DNAI7: variants seen among roughly 807,000 people sequenced by gnomAD.
DNAI7 encodes dynein axonemal intermediate chain 7.
DNAI7 carries 78 observed loss-of-function variants against 86.6 expected under a neutral mutation model. That is an observed-to-expected ratio of 0.90 (90% CI 0.75 to 1.09). The LOEUF (loss-of-function observed/expected upper bound fraction) is 1.09. Ranked by LOEUF, DNAI7 falls within the 50% of genes least tolerant of loss-of-function variation. The pLI, the probability that DNAI7 is intolerant of heterozygous loss-of-function variation, is 0.00. For synonymous variants in DNAI7, 274 were observed against 273.0 expected (o/e 1.00, Z -0.04); for missense variants, 753 against 810.2 (o/e 0.93, Z 0.86).
rs1205562198 is a variant in DNAI7 at position 25,147,206 on chromosome 12, A to G, written c.586-102T>C. 6.1e-6 allele frequency: 4 copies of G among 655,992 alleles called. No homozygotes were observed. In the Middle Eastern group the frequency reaches 7.6e-4, roughly 125 times the overall value. 40.6% of individuals were successfully genotyped at this position (655,992 alleles called of 1,614,324 possible). A position where few individuals can be genotyped will look rare whatever the true frequency, so the allele number is the denominator to read the frequency against. On this transcript the variant is annotated intron_variant, in intron 7 of 15. Coordinates refer to ENST00000395987, the MANE Select transcript of DNAI7 (RefSeq NM_018272.5). ...CTTATGTGTTGGATTCCCTTTATTA[A>G]TCACCTAAGAGAGTAACTTGGGTAA...
At chr12:25,158,207 C>T (rs1946424391) in intron 4 of DNAI7, among the ~76,000 whole-genome samples, 1 of 151,400 alleles carries the variant, frequency 6.6e-6, no homozygotes, top group South Asian at 2.1e-4. Context: ...CCAGCCTGGG[C>T]AACAGAGCGA....
intron 2 of DNAI7, among the ~76,000 whole-genome samples, chr12:25,179,335 C>T (rs997147971): frequency 6.6e-6 from 1 of 152,116 alleles, no homozygotes; most frequent in African/African-American, 2.4e-5. Flanking sequence ...GAATCCTCTA[C>T]TTGTTTGGTG....
At chr12:25,145,952 G>A (rs1488847193) in intron 8 of DNAI7, among the ~76,000 whole-genome samples, 2 of 152,244 alleles carry the variant, frequency 1.3e-5, no homozygotes, top group Non-Finnish European at 2.9e-5. Flanking sequence ...GCCGGGCGCA[G>A]TGGCTCACGC....
intron 6 of DNAI7, among the ~76,000 whole-genome samples, chr12:25,151,529 A>T (rs1945540512): frequency 6.6e-6 from 1 of 152,074 alleles, no homozygotes; most frequent in Non-Finnish European, 1.5e-5. Flanking sequence ...CTGACTCCTC[A>T]TTCTTGTAAC....
chr12:25,191,040 GT>G (rs1447814235), intron 1 of DNAI7, among the ~76,000 whole-genome samples: 1 of 152,182 alleles, frequency 6.6e-6, no homozygotes, highest in Non-Finnish European at 1.5e-5. Context: ...AAATTTGCAA[GT>G]GTGGGAATGA....
chr12:25,119,923 G>A (rs372172671), intron 11 of DNAI7, among the ~76,000 whole-genome samples: 2 of 152,108 alleles, frequency 1.3e-5, no homozygotes, highest in South Asian at 2.1e-4. Flanking sequence ...TCTAGAAGAG[G>A]TGGAAAGTTA....
chr12:25,147,744 A>G (rs2140897094), intron 7 of DNAI7, among the ~76,000 whole-genome samples: 1 of 152,342 alleles, frequency 6.6e-6, no homozygotes, highest in South Asian at 2.1e-4. Flanking sequence ...CATCAGAATC[A>G]TGACTTTTCA....
intron 2 of DNAI7, among the ~76,000 whole-genome samples, chr12:25,164,224 C>T (rs1000262133): frequency 6.6e-6 from 1 of 151,688 alleles, no homozygotes; most frequent in Non-Finnish European, 1.5e-5. Context: ...CAAGAAACCC[C>T]CAGCCCCTTC....
At chr12:25,174,007 T>C (rs1393612107) in intron 2 of DNAI7, among the ~76,000 whole-genome samples, 1 of 149,120 alleles carries the variant, frequency 6.7e-6, no homozygotes, top group Non-Finnish European at 1.5e-5. Flanking sequence ...ATATATCATA[T>C]ACATGGAATA....
At chr12:25,114,206 T>C (rs960287944) in intron 13 of DNAI7, among the ~76,000 whole-genome samples, 4 of 152,208 alleles carry the variant, frequency 2.6e-5, no homozygotes, top group African/African-American at 9.6e-5. Context: ...CCCAAAGTGC[T>C]GGGATTCCAG....
In DNAI7 at chr12:25,119,142, T is replaced by C. The variant is rs1315994547; in HGVS notation, c.1396+3A>G. 1.3e-6 allele frequency: 2 copies of C among 1,590,852 alleles called. No homozygotes were observed. The highest frequency in any genetic ancestry group is 1.7e-6 in the Non-Finnish European group (2 of 1,173,116). ...TTTTATTACATAATTATAAAAGCTG[T>C]ACCTTCAGCATCCCACCTTACAACC... On this transcript the variant is annotated splice_donor_region_variant and intron_variant, in intron 12 of 15. Transcript: ENST00000395987.
At chr12:25,141,544 T>C (rs554508189) in intron 9 of DNAI7, among the ~76,000 whole-genome samples, 1 of 152,194 alleles carries the variant, frequency 6.6e-6, no homozygotes, top group Non-Finnish European at 1.5e-5. Flanking sequence ...AAAATGGCCA[T>C]AATTGGCACG....
intron 1 of DNAI7, among the ~76,000 whole-genome samples, chr12:25,191,657 C>A (rs967605031): frequency 1.3e-5 from 2 of 151,976 alleles, no homozygotes; most frequent in African/African-American, 4.8e-5. Flanking sequence ...AAGCCAACAT[C>A]GCACCACTGC....
chr12:25,133,060 G>C (rs2140645097), intron 9 of DNAI7, among the ~76,000 whole-genome samples: 1 of 151,930 alleles, frequency 6.6e-6, no homozygotes, highest in Admixed American at 6.5e-5. Flanking sequence ...TCTTAGTAAA[G>C]ATAATAAAAT....
Position 25,155,379 on chromosome 12 carries a change from G to C in DNAI7, c.232C>G (p.Leu78Val). ...GGAAAACACCTCTCTAATAAATAAA[G>C]TTCTTCAAGTTCTTCATTTCTCCTT... ...LERRNEELEE[L>V]YLLERCFPEA... The change falls in exon 5 of 16, where the codon CTT (leucine) becomes GTT (valine). Residue 78 changes from leucine (L) to valine (V), a missense_variant. Leu to Val is a conservative substitution (Grantham distance 32, BLOSUM62 1). Coordinates refer to ENST00000395987, the MANE Select transcript of DNAI7 (RefSeq NM_018272.5). 6.2e-7 allele frequency: 1 copy of C among 1,601,624 alleles called. No individual in the cohort carries two copies. Among genetic ancestry groups the C allele is most frequent in the African/African-American group, 1.3e-5 (1 of 74,714 alleles).
intron 2 of DNAI7, among the ~76,000 whole-genome samples, chr12:25,177,654 T>C (rs1457265418): frequency 3.3e-5 from 5 of 152,204 alleles, no homozygotes; most frequent in African/African-American, 1.2e-4. Context: ...CAAGGGGTTT[T>C]CTGTTGTATG....
intron 2 of DNAI7, among the ~76,000 whole-genome samples, chr12:25,178,754 A>C (rs112985766): frequency 6.6e-6 from 1 of 152,152 alleles, no homozygotes. Flanking sequence ...CGAAATCACA[A>C]TTCTAAATAC....
intron 9 of DNAI7, among the ~76,000 whole-genome samples, chr12:25,138,815 ACCAAAC>A (rs1592348780): frequency 6.6e-6 from 1 of 151,850 alleles, no homozygotes; most frequent in East Asian, 1.9e-4. Flanking sequence ...AAAAGAACAA[ACCAAAC>A]CCAAACAAAG....
chr12:25,108,512 G>C lies in DNAI7; in HGVS notation c.*36C>G. ...AAATACCTGTCTTTCACCATGCTTG[G>C]TTCTTCATACTTACAATACAGTTTG... On this transcript the variant is annotated 3_prime_UTR_variant, in exon 16 of 16. Transcript: ENST00000395987. 6.4e-7 allele frequency: 1 copy of C among 1,565,682 alleles called. No individual in the cohort carries two copies. Among genetic ancestry groups the C allele is most frequent in the South Asian group, 1.2e-5 (1 of 85,032 alleles).
Sources: allele counts gnomAD v4.1 joint callset (sites outside exome capture counted in the v4.1 genomes callset), GRCh38; gene constraint gnomAD v4.1.1; transcripts MANE v1.5; gene names NCBI Gene and HGNC (gene_info 2026-07-23, HGNC 2026-07-21).